ILDR2: variants seen among roughly 807,000 people sequenced by gnomAD.
The protein encoded by ILDR2 is immunoglobulin like domain containing receptor 2.
A neutral mutation model predicts 66.8 loss-of-function variants in ILDR2; 25 were observed. The observed-to-expected ratio is 0.37, with a 90% CI of 0.27 to 0.52. The LOEUF (loss-of-function observed/expected upper bound fraction) is 0.52, where lower values mean the gene tolerates loss of function less well. Ranked by LOEUF, ILDR2 falls within the 20% of genes least tolerant of loss-of-function variation. The probability of loss-of-function intolerance (pLI) is 0.88; values close to 1 mark genes in which losing one functional copy is unlikely to be tolerated. For synonymous variants in ILDR2, 367 were observed against 357.2 expected (o/e 1.03, Z -0.31); for missense variants, 827 against 876.8 (o/e 0.94, Z 0.72).
intron 8 of ILDR2, 81 bp downstream of exon 8, chr1:166,922,512 C>A: frequency 9.5e-7 from 1 of 1,057,352 alleles, no homozygotes. Context: ...TACTGGATGG[C>A]ATCTTCCTTG....
Position 166,919,184 on chromosome 1 carries a change from T to C in ILDR2, c.*171A>G, listed in dbSNP as rs1051734196. Reference sequence around the variant, plus strand: ...AAACTAGTTAGATGGGCACAGAGGTTTGAAATCAGCCTCCCTTAAAGGCTG... The same window carrying C: ...AAACTAGTTAGATGGGCACAGAGGTCTGAAATCAGCCTCCCTTAAAGGCTG... On this transcript the variant is annotated 3_prime_UTR_variant, in exon 10 of 10. Transcript: ENST00000271417. The C allele has an allele frequency of 2.1e-5, 13 of 617,058 alleles. No homozygotes were observed. In the African/African-American group the frequency reaches 2.4e-4, roughly 11 times the overall value. The allele number at this position is 617,058 out of a possible 1,614,324, so 38.2% of individuals were successfully genotyped here.
Position 166,973,602 on chromosome 1 carries a change from C to T in ILDR2, c.46+1621G>A, listed in dbSNP as rs567729910. 2.1e-3 allele frequency among the ~76,000 whole-genome samples: 254 copies of T among 122,754 alleles called. 5 individuals carry two copies. The highest frequency in any genetic ancestry group is 8.0e-3 in the African/African-American group (243 of 30,518). The allele number at this position is 122,754 out of a possible 152,430, so 80.5% of individuals were successfully genotyped here. A position where few individuals can be genotyped will look rare whatever the true frequency, so the allele number is the denominator to read the frequency against. On this transcript the variant is annotated intron_variant, in intron 1 of 9. Transcript: ENST00000271417. ...GTGTCTGTAAAGAGCACCTCTGACT[C>T]AGGGACCCCTCCCCCCCCCCCCCGA...
At chr1:166,906,763 A>G (rs890610718), downstream of ILDR2, among the ~76,000 whole-genome samples, 3 of 152,248 alleles carry the variant, frequency 2.0e-5, no homozygotes, top group African/African-American at 7.2e-5. Flanking sequence ...TTTTCTGCTT[A>G]GGAAACATTT....
In ILDR2 at chr1:166,975,146, G is replaced by C. The variant is rs565911661; in HGVS notation, c.46+77C>G. ...ATGGTCAGTAAGGAGGAAAATGGGG[G>C]GGCGGGGGGCGCGGTGAGAACAGAA... On this transcript the variant is annotated intron_variant, in intron 1 of 9. Coordinates refer to ENST00000271417, the MANE Select transcript of ILDR2 (RefSeq NM_199351.3). 1.3e-3 allele frequency: 1,590 copies of C among 1,251,890 alleles called. 2 individuals are homozygous for C. The highest frequency in any genetic ancestry group is 2.1e-3 in the Middle Eastern group (11 of 5,270). The allele number at this position is 1,251,890 out of a possible 1,614,324, so 77.5% of individuals were successfully genotyped here. A position where few individuals can be genotyped will look rare whatever the true frequency, so the allele number is the denominator to read the frequency against.
In ILDR2 at chr1:166,936,665, T is replaced by C. The variant is rs760171870; in HGVS notation, c.629A>G (p.Gln210Arg). The change falls in exon 5 of 10, where the codon CAG becomes CGG. Residue 210 changes from glutamine to arginine, a missense_variant. Gln to Arg is a conservative substitution (Grantham distance 43). Coordinates refer to ENST00000271417, the MANE Select transcript of ILDR2 (RefSeq NM_199351.3). This position sits in a 1 kb window ranked among gnomAD's most constrained non-coding sequence, Gnocchi z 5.0. ...GCAGCAGCAGCTGTGAGGGCAGCAC[T>C]GGCACCAGCAGATCCCCACCAGGAC... ...FFVLVGICWC[Q>R]CCPHSCCCYV... is the part of the protein sequence containing the mutation. The C allele has an allele frequency of 2.5e-6, 4 of 1,613,990 alleles. No homozygotes were observed. Among genetic ancestry groups the C allele is most frequent in the Non-Finnish European group, 3.4e-6 (4 of 1,179,972 alleles).
At chr1:166,973,602 C>A (rs567729910) in intron 1 of ILDR2, among the ~76,000 whole-genome samples, 1 of 122,676 alleles carries the variant, frequency 8.2e-6, no homozygotes, top group African/African-American at 3.3e-5. Context: ...ACCTCTGACT[C>A]AGGGACCCCT....
At chr1:166,922,977 C>T (rs1660047525) in intron 7 of ILDR2, among the ~76,000 whole-genome samples, 168 bp from the exon 8 acceptor site, 1 of 152,188 alleles carries the variant, frequency 6.6e-6, no homozygotes, top group Non-Finnish European at 1.5e-5. Flanking sequence ...CTTAGCTCAG[C>T]AGGCATTGGC....
intron 3 of ILDR2, among the ~76,000 whole-genome samples, chr1:166,945,289 G>C (rs754661812): frequency 1.2e-4 from 18 of 152,074 alleles, no homozygotes; most frequent in Non-Finnish European, 2.5e-4. Flanking sequence ...AAGTTGAATA[G>C]ACCAAACGAA....
Position 166,909,762 on chromosome 1 carries a change from TATATATAAATATATATATTTA to T in ILDR2, c.*9572_*9592del, listed in dbSNP as rs1659428921. 1.5e-5 allele frequency: 1 copy of T among 65,700 alleles called. No individual in the cohort carries two copies. Among genetic ancestry groups the T allele is most frequent in the Admixed American group, 1.9e-4 (1 of 5,362 alleles). The allele number at this position is 65,700 out of a possible 1,614,324, so 4.1% of individuals were successfully genotyped here. A position where few individuals can be genotyped will look rare whatever the true frequency, so the allele number is the denominator to read the frequency against. On this transcript the variant is annotated 3_prime_UTR_variant, in exon 10 of 10. Coordinates refer to ENST00000271417, the MANE Select transcript of ILDR2 (RefSeq NM_199351.3). Reference sequence around the variant, plus strand: ...ATATATATATATATATATATATAAATATATATAAATATATATATTTATATATATATATATATATATATATCC... The same window carrying T: ...ATATATATATATATATATATATAAATTATATATATATATATATATATATCC...
intron 3 of ILDR2, among the ~76,000 whole-genome samples, chr1:166,943,491 CAAAAAAAAAA>C (rs11366097): frequency 1.3e-5 from 1 of 74,508 alleles, no homozygotes; most frequent in African/African-American, 5.5e-5. Context: ...GACTCCGTCT[CAAAAAAAAAA>C]AAAAAAAAAA....
chr1:166,898,802 G>A lies in ILDR2; in HGVS notation n.172-2701C>T, dbSNP rs532341154. ...AGGCCAGATGCAGTAGCTGACACCT[G>A]TAATCTCAGCACTTTGGGAGGCCAA... On this transcript the variant is annotated intron_variant and non_coding_transcript_variant, in intron 2 of 2. Coordinates refer to the ILDR2 transcript ENST00000414590. 3.3e-5 allele frequency among the ~76,000 whole-genome samples: 5 copies of A among 152,092 alleles called. No homozygotes were observed. The South Asian group carries it at 1.0e-3, about 32-fold the overall frequency.
chr1:166,920,843 TG>T lies in ILDR2; in HGVS notation c.1747del (p.Gln583ArgfsTer17). On this transcript the variant is annotated frameshift_variant, in exon 9 of 10. Coordinates refer to ENST00000271417, the MANE Select transcript of ILDR2 (RefSeq NM_199351.3). LOFTEE classifies it high-confidence loss of function. ...TYKAGSSQDD[Q>X]EDASDDALPP... The stretch of plus-strand genomic sequence containing the variant: ...CAGCGCGTCGTCGGACGCGTCCTCC[TG>T]GTCGTCCTGCGACGAGCCGGCCTTG... 6.6e-7 allele frequency: 1 copy of T among 1,514,570 alleles called. No homozygotes were observed. Among genetic ancestry groups the T allele is most frequent in the Non-Finnish European group, 8.8e-7 (1 of 1,135,278 alleles). The allele number at this position is 1,514,570 out of a possible 1,614,324, so 93.8% of individuals were successfully genotyped here.
rs1659741309 is a variant in ILDR2 at position 166,918,854 on chromosome 1, C to T, written c.*501G>A. 2 of 167,262 alleles carry T rather than the reference C, an allele frequency of 1.2e-5. No homozygotes were observed. The highest frequency in any genetic ancestry group is 4.0e-4 in the South Asian group (2 of 5,004). 10.4% of individuals were successfully genotyped at this position (167,262 alleles called of 1,614,324 possible). On this transcript the variant is annotated 3_prime_UTR_variant, in exon 10 of 10. Transcript: ENST00000271417. Reference sequence around the variant, plus strand: ...TGTAACAACAGTCATTGACTAGTGACTGTAAAGTGATGGGGATAAAAGGTA... The same window carrying T: ...TGTAACAACAGTCATTGACTAGTGATTGTAAAGTGATGGGGATAAAAGGTA...
At chr1:166,966,735 G>A (rs1662976809) in intron 1 of ILDR2, among the ~76,000 whole-genome samples, 1 of 152,198 alleles carries the variant, frequency 6.6e-6, no homozygotes, top group Admixed American at 6.5e-5. Context: ...GTTCCAATGG[G>A]ACAAAGCAGT....
intron 1 of ILDR2, 56 bp from the exon 2 acceptor site, chr1:166,958,157 C>T: frequency 7.0e-7 from 1 of 1,419,828 alleles, no homozygotes; most frequent in South Asian, 1.3e-5. Context: ...CCTCACCTTC[C>T]ATCACATGAT....
intron 1 of ILDR2, among the ~76,000 whole-genome samples, chr1:166,960,598 T>C (rs923931988): frequency 5.9e-5 from 9 of 152,180 alleles, no homozygotes; most frequent in African/African-American, 2.2e-4. Context: ...AGGTCTCAAA[T>C]GCTAATTCTC....
chr1:166,920,983 C>A lies in ILDR2; in HGVS notation c.1608G>T (p.Gln536His). The change falls in exon 9 of 10, where the codon CAG becomes CAT. Residue 536 changes from glutamine (Q) to histidine (H), a missense_variant. Around this residue, in one of 2 missense-constraint regions of ILDR2, gnomAD observed 390 missense variants for 353.6 expected, o/e 1.10. Transcript: ENST00000271417. ...CGCGGCTGGCGCCCTCGGGCCGCGC[C>A]TGGCGCTCCCGCGCGCTGCCCAGGT... is the stretch of plus-strand genomic sequence containing the variant. ...HSYLGSARER[Q>H]ARPEGASRGG... 1 of 1,494,298 alleles carries A rather than the reference C, an allele frequency of 6.7e-7. No individual in the cohort carries two copies. Among genetic ancestry groups the A allele is most frequent in the Non-Finnish European group, 8.8e-7 (1 of 1,133,272 alleles). 92.6% of individuals were successfully genotyped at this position (1,494,298 alleles called of 1,614,324 possible).
At chr1:166,946,938 T>C (rs890352000) in intron 3 of ILDR2, among the ~76,000 whole-genome samples, 9 of 152,184 alleles carry the variant, frequency 5.9e-5, no homozygotes, top group Non-Finnish European at 1.0e-4. Flanking sequence ...CCTTTTAAAG[T>C]TGCAACCGGA....
rs1325530571 is a variant in ILDR2, at chr1:166,908,304, C to T, written c.*11051G>A. ...CTTTTCCTGGTTTGCAGACAGATAC[C>T]TTGCTGTATCCTCACATGGCAGAGA... On this transcript the variant is annotated 3_prime_UTR_variant, in exon 10 of 10. Coordinates refer to ENST00000271417, the MANE Select transcript of ILDR2 (RefSeq NM_199351.3). 1 of 152,202 alleles carries T rather than the reference C, an allele frequency of 6.6e-6. No individual in the cohort carries two copies. Among genetic ancestry groups the T allele is most frequent in the Non-Finnish European group, 1.5e-5 (1 of 68,060 alleles). 9.4% of individuals were successfully genotyped at this position (152,202 alleles called of 1,614,324 possible). A position where few individuals can be genotyped will look rare whatever the true frequency, so the allele number is the denominator to read the frequency against.
Sources: gnomAD v4.1 joint callset for allele counts (sites outside exome capture counted in the v4.1 genomes callset) on GRCh38, gnomAD v4.1.1 for gene constraint, gnomAD v4.1.1 regional missense constraint, Gnocchi (gnomAD v3.1) non-coding constraint, MANE v1.5 for transcripts, NCBI Gene and HGNC (gene_info 2026-07-23, HGNC 2026-07-21) for gene names.